The following HOOK3 variants were observed in gnomAD, a reference collection of about 807,000 sequenced individuals.
HOOK3 encodes hook microtubule tethering protein 3.
Under a neutral mutation model 116.3 loss-of-function variants are expected in HOOK3, and 24 were observed. The observed-to-expected ratio is 0.21, with a 90% CI of 0.15 to 0.29. The LOEUF (loss-of-function observed/expected upper bound fraction) is 0.29, where lower values mean the gene tolerates loss of function less well. HOOK3 is among the 10% of genes least tolerant of loss of function. The pLI is 1.00. For missense variants in HOOK3, 632 were observed against 830.2 expected, an observed-to-expected ratio of 0.76 and a Z score of 2.93; for synonymous variants, 275 against 283.0, an observed-to-expected ratio of 0.97 and a Z score of 0.28.
chr8:42,990,703 C>G (rs1208258810), intron 15 of HOOK3, among the ~76,000 whole-genome samples: 1 of 151,878 alleles, frequency 6.6e-6, no homozygotes, highest in African/African-American at 2.4e-5. Flanking sequence ...GTTTGAGCTC[C>G]TTATATATTC....
In HOOK3 at chr8:43,025,970, C is replaced by T. The variant is rs866054539; in HGVS notation, c.*7472C>T. On this transcript the variant is annotated 3_prime_UTR_variant, in exon 22 of 22. Coordinates refer to ENST00000307602, the MANE Select transcript of HOOK3 (RefSeq NM_032410.4). ...TTTGGGCCCATGGGACTATCAAATC[C>T]GAATTATATCTACTTAGAGCTTAGA... 2.4e-5 allele frequency: 5 copies of T among 208,022 alleles called. No homozygotes were observed. Among genetic ancestry groups the T allele is most frequent in the Middle Eastern group, 1.6e-3 (1 of 642 alleles). The allele number at this position is 208,022 out of a possible 1,614,324, so 12.9% of individuals were successfully genotyped here. A position where few individuals can be genotyped will look rare whatever the true frequency, so the allele number is the denominator to read the frequency against.
intron 19 of HOOK3, 57 bp from the exon 20 acceptor site, chr8:43,012,994 A>T: frequency 9.9e-7 from 1 of 1,010,014 alleles, no homozygotes; most frequent in Non-Finnish European, 1.5e-6. Context: ...CTTTTCTTAA[A>T]CGTTACATTC....
At chr8:42,982,401 G>A (rs1031567044) in intron 13 of HOOK3, among the ~76,000 whole-genome samples, 3 of 152,120 alleles carry the variant, frequency 2.0e-5, no homozygotes, top group Middle Eastern at 6.8e-3. Context: ...AGTAGTGATG[G>A]TTACACAACA....
intron 18 of HOOK3, among the ~76,000 whole-genome samples, chr8:43,008,821 G>A (rs1039514102): frequency 5.4e-5 from 8 of 149,504 alleles, no homozygotes; most frequent in South Asian, 2.1e-4. Flanking sequence ...CACTACGCCC[G>A]GCTAATTTTT....
intron 1 of HOOK3, among the ~76,000 whole-genome samples, chr8:42,903,711 A>AC (rs1160726884): frequency 7.4e-6 from 1 of 134,958 alleles, no homozygotes; most frequent in African/African-American, 2.8e-5. Context: ...TAATCCCAGC[A>AC]CTTTGGGAGG....
In HOOK3 at chr8:43,022,102, A is replaced by C. The variant is rs1318751914; in HGVS notation, c.*3604A>C. 9.9e-6 allele frequency: 2 copies of C among 201,788 alleles called. No individual in the cohort carries two copies. Among genetic ancestry groups the C allele is most frequent in the Non-Finnish European group, 2.0e-5 (2 of 98,150 alleles). The allele number at this position is 201,788 out of a possible 1,614,324, so 12.5% of individuals were successfully genotyped here. A position where few individuals can be genotyped will look rare whatever the true frequency, so the allele number is the denominator to read the frequency against. ...GGCTGTTGTAAAAAAAAAAAAAAAA[A>C]AAACTTCTGAATATACTTTAGGTAT... On this transcript the variant is annotated 3_prime_UTR_variant, in exon 22 of 22. Coordinates refer to ENST00000307602, the MANE Select transcript of HOOK3 (RefSeq NM_032410.4).
intron 1 of HOOK3, among the ~76,000 whole-genome samples, chr8:42,897,810 T>A (rs962786933): frequency 1.3e-5 from 2 of 152,052 alleles, no homozygotes; most frequent in African/African-American, 4.8e-5. Context: ...TTCCTCATAC[T>A]TTGAAGTAAA....
At chr8:43,014,515 A>AT (rs1414705291) in intron 21 of HOOK3, among the ~76,000 whole-genome samples, 5 of 151,634 alleles carry the variant, frequency 3.3e-5, no homozygotes, top group African/African-American at 1.2e-4. Flanking sequence ...GCACGCCCGA[A>AT]TAATTTTTGT....
intron 13 of HOOK3, among the ~76,000 whole-genome samples, chr8:42,977,682 C>T (rs1245397764): frequency 6.6e-6 from 1 of 152,008 alleles, no homozygotes; most frequent in African/African-American, 2.4e-5. Flanking sequence ...GCCTGGCCAA[C>T]ATAGCAAAAC....
intron 1 of HOOK3, among the ~76,000 whole-genome samples, chr8:42,899,187 G>C (rs1807130879): frequency 6.6e-6 from 1 of 152,208 alleles, no homozygotes; most frequent in African/African-American, 2.4e-5. Flanking sequence ...AGAAATCTTA[G>C]AAGTTTGAAG....
intron 8 of HOOK3, among the ~76,000 whole-genome samples, chr8:42,959,955 A>T (rs755395095): frequency 7.2e-5 from 11 of 152,152 alleles, no homozygotes; most frequent in Admixed American, 2.0e-4. Flanking sequence ...TTTGAAAGGC[A>T]TATGAGTTGG....
chr8:42,984,699 C>T (rs1353847208), intron 14 of HOOK3, among the ~76,000 whole-genome samples: 1 of 152,098 alleles, frequency 6.6e-6, no homozygotes, highest in Non-Finnish European at 1.5e-5. Flanking sequence ...GCCAGGAGTT[C>T]AAGACCATCC....
intron 1 of HOOK3, among the ~76,000 whole-genome samples, chr8:42,897,821 TAC>T (rs973259619): frequency 6.6e-6 from 1 of 152,062 alleles, no homozygotes; most frequent in African/African-American, 2.4e-5. Context: ...TTGAAGTAAA[TAC>T]ATGTTCACCT....
intron 17 of HOOK3, among the ~76,000 whole-genome samples, chr8:43,005,920 C>T (rs1290269703): frequency 6.6e-6 from 1 of 151,182 alleles, no homozygotes; most frequent in Non-Finnish European, 1.5e-5. Flanking sequence ...TGGTCTTGAA[C>T]TCCTGACCTT....
intron 4 of HOOK3, among the ~76,000 whole-genome samples, chr8:42,937,227 G>A (rs1807988686): frequency 6.6e-6 from 1 of 151,876 alleles, no homozygotes; most frequent in Non-Finnish European, 1.5e-5. Context: ...TGGGATCAGT[G>A]GTGATATCCT....
chr8:42,921,029 T>C (rs1807646500), intron 2 of HOOK3, among the ~76,000 whole-genome samples: 1 of 152,250 alleles, frequency 6.6e-6, no homozygotes, highest in Non-Finnish European at 1.5e-5. Context: ...TGTATCATGA[T>C]GCCTGATGTG....
chr8:42,935,131 T>C (rs1285670977), intron 4 of HOOK3, among the ~76,000 whole-genome samples: 6 of 152,256 alleles, frequency 3.9e-5, no homozygotes, highest in Non-Finnish European at 8.8e-5. Context: ...TTTGCATTTC[T>C]CTAATGACCA....
At chr8:43,017,923 A>G (rs1292695669) in intron 21 of HOOK3, among the ~76,000 whole-genome samples, 1 of 152,236 alleles carries the variant, frequency 6.6e-6, no homozygotes, top group Admixed American at 6.5e-5. Context: ...TGGTATGTAC[A>G]GTACCTAGTG....
intron 15 of HOOK3, among the ~76,000 whole-genome samples, chr8:42,989,906 A>C (rs906454848): frequency 1.3e-5 from 2 of 152,212 alleles, no homozygotes; most frequent in Non-Finnish European, 2.9e-5. Context: ...TGTTTTTGCA[A>C]ATGACAGGAT....
Sources: allele counts gnomAD v4.1 joint callset (sites outside exome capture counted in the v4.1 genomes callset), GRCh38; gene constraint gnomAD v4.1.1; transcripts MANE v1.5; gene names NCBI Gene and HGNC (gene_info 2026-07-23, HGNC 2026-07-21).